RALA: variants seen among roughly 807,000 people sequenced by gnomAD.
RALA encodes RAS like proto-oncogene A.
RALA carries 5 observed loss-of-function variants against 24.0 expected under a neutral mutation model. The ratio of observed to expected loss-of-function variants is 0.21; its 90% CI spans 0.11 to 0.44. The LOEUF (loss-of-function observed/expected upper bound fraction) is 0.44. Ranked by LOEUF, RALA falls within the 20% of genes least tolerant of loss-of-function variation. The pLI is 0.99. For missense variants in RALA, 95 were observed against 241.2 expected (o/e 0.39, Z 4.01); for synonymous variants, 77 against 83.8 (o/e 0.92, Z 0.44).
At chr7:39,688,345 G>T (rs1792746387) in intron 2 of RALA, among the ~76,000 whole-genome samples, 2 of 151,616 alleles carry the variant, frequency 1.3e-5, no homozygotes, top group Non-Finnish European at 2.9e-5. Flanking sequence ...AGTGAGCAAT[G>T]ACTGTGCCAC....
At chr7:39,654,575 A>AT (rs540867099) in intron 1 of RALA, among the ~76,000 whole-genome samples, 304 of 152,252 alleles carry the variant, frequency 2.0e-3, no homozygotes, top group African/African-American at 7.1e-3. Context: ...AATTTCATAG[A>AT]TTTTGCATTT....
chr7:39,631,465 C>T (rs376914702), intron 1 of RALA, among the ~76,000 whole-genome samples: 20 of 151,560 alleles, frequency 1.3e-4, no homozygotes, highest in African/African-American at 4.8e-4. Context: ...CTCAAGTGAT[C>T]CTCCTGCCTC....
Position 39,630,323 on chromosome 7 carries a change from A to G in RALA, c.-38+6498A>G, listed in dbSNP as rs529738899. On this transcript the variant is annotated intron_variant, in intron 1 of 4. Transcript: ENST00000005257. ...CACTTCAGCTTCCCACAGTGCTGGA[A>G]TTACAGGCATGAGCTATCGTGCCCG... is the stretch of plus-strand genomic sequence containing the variant. Among the ~76,000 whole-genome samples, 9 of 149,760 alleles carry G rather than the reference A, an allele frequency of 6.0e-5. No homozygotes were observed. In the South Asian group the frequency reaches 1.0e-3, roughly 17 times the overall value.
In RALA at chr7:39,665,848, AT is replaced by A. The variant is rs77663025; in HGVS notation, c.-37-20771del. 2.2e-3 allele frequency among the ~76,000 whole-genome samples: 327 copies of A among 146,634 alleles called. 2 individuals carry two copies. Among genetic ancestry groups the A allele is most frequent in the African/African-American group, 4.6e-3 (187 of 40,298 alleles). On this transcript the variant is annotated intron_variant, in intron 1 of 4. Coordinates refer to ENST00000005257, the MANE Select transcript of RALA (RefSeq NM_005402.4). ...TAGTTGGCAAACACTTAGGATGTGA[AT>A]TTTTTTTTTTTAATCCTGGCTTCAC... is the stretch of plus-strand genomic sequence containing the variant.
At chr7:39,638,381 C>T (rs1037116398) in intron 1 of RALA, among the ~76,000 whole-genome samples, 20 of 152,158 alleles carry the variant, frequency 1.3e-4, no homozygotes, top group Middle Eastern at 3.2e-3. Flanking sequence ...GTTTTTGTGT[C>T]TGGCTTCTTT....
intron 1 of RALA, among the ~76,000 whole-genome samples, chr7:39,668,173 T>G (rs1307322464): frequency 6.6e-6 from 1 of 152,226 alleles, no homozygotes; most frequent in Admixed American, 6.5e-5. Flanking sequence ...TTTCACAGTA[T>G]ACAAGTAGCA....
intron 1 of RALA, among the ~76,000 whole-genome samples, chr7:39,665,084 A>G (rs938122974): frequency 5.9e-5 from 9 of 152,176 alleles, no homozygotes; most frequent in Admixed American, 3.9e-4. Flanking sequence ...TGAAAAAGCA[A>G]AAAAGTCTAA....
intron 1 of RALA, among the ~76,000 whole-genome samples, chr7:39,643,684 C>T (rs543175002): frequency 3.9e-5 from 6 of 152,152 alleles, no homozygotes; most frequent in East Asian, 3.9e-4. Context: ...ATCAAAACCC[C>T]GTCTCTACTA....
chr7:39,651,431 C>A (rs897976137), intron 1 of RALA, among the ~76,000 whole-genome samples: 1 of 152,188 alleles, frequency 6.6e-6, no homozygotes, highest in African/African-American at 2.4e-5. Context: ...CTTGGAGGCT[C>A]CTCACCACAC....
At chr7:39,694,899 A>G (rs1792891558) in intron 3 of RALA, among the ~76,000 whole-genome samples, 1 of 151,772 alleles carries the variant, frequency 6.6e-6, no homozygotes, top group Non-Finnish European at 1.5e-5. Flanking sequence ...AAAAAAAGAA[A>G]AAAAAATTAG....
In RALA at chr7:39,675,637, G is replaced by T. The variant is rs897179359; in HGVS notation, c.-37-10994G>T. Among the ~76,000 whole-genome samples, 16 of 151,188 alleles carry T rather than the reference G, an allele frequency of 1.1e-4. 1 individual carries two copies. The highest frequency in any genetic ancestry group is 9.9e-4 in the Admixed American group (15 of 15,144). ...GTTACTCAGGTGGCTGAGGTGGGAG[G>T]ATCACTTAAGCCCAGCAGGTCAAGT... On this transcript the variant is annotated intron_variant, in intron 1 of 4. Coordinates refer to ENST00000005257, the MANE Select transcript of RALA (RefSeq NM_005402.4).
chr7:39,646,304 G>A (rs927213908), intron 1 of RALA, among the ~76,000 whole-genome samples: 1 of 151,584 alleles, frequency 6.6e-6, no homozygotes, highest in Non-Finnish European at 1.5e-5. Context: ...ACAACCCCCC[G>A]CCAAAAATAA....
At chr7:39,657,397 A>G (rs1053307768) in intron 1 of RALA, among the ~76,000 whole-genome samples, 2 of 152,282 alleles carry the variant, frequency 1.3e-5, no homozygotes, top group African/African-American at 4.8e-5. Flanking sequence ...TGATTCTTCA[A>G]TTTCATTATG....
intron 1 of RALA, among the ~76,000 whole-genome samples, chr7:39,657,496 A>G (rs553869058): frequency 2.2e-4 from 34 of 152,346 alleles, no homozygotes; most frequent in African/African-American, 6.3e-4. Flanking sequence ...ATAGACTAGT[A>G]TACTGAAGGA....
chr7:39,643,375 A>G (rs1252789413), intron 1 of RALA, among the ~76,000 whole-genome samples: 2 of 152,216 alleles, frequency 1.3e-5, no homozygotes, highest in African/African-American at 2.4e-5. Context: ...TGCTGCAGGC[A>G]GGCACATAGG....
intron 1 of RALA, among the ~76,000 whole-genome samples, chr7:39,666,679 C>T: frequency 6.6e-6 from 1 of 152,162 alleles, no homozygotes; most frequent in African/African-American, 2.4e-5. Context: ...TTTATATTTT[C>T]TTTCTTTCTT....
intron 1 of RALA, among the ~76,000 whole-genome samples, chr7:39,653,323 C>T (rs1461426335): frequency 6.6e-6 from 1 of 151,946 alleles, no homozygotes; most frequent in Non-Finnish European, 1.5e-5. Context: ...CCACCACGCC[C>T]GGCCTATTAT....
At chr7:39,624,258 C>G (rs1791436038) in intron 1 of RALA, 1 of 151,648 alleles carries the variant, frequency 6.6e-6, no homozygotes, top group East Asian at 1.9e-4. Flanking sequence ...AGAGCCGCTG[C>G]TTTTTAAGCA....
chr7:39,658,283 C>T (rs535306670), intron 1 of RALA, among the ~76,000 whole-genome samples: 5 of 152,266 alleles, frequency 3.3e-5, no homozygotes, highest in African/African-American at 7.2e-5. Flanking sequence ...CTCCAACCCT[C>T]TCACCTCCCC....
Sources: gnomAD v4.1 joint callset for allele counts (sites outside exome capture counted in the v4.1 genomes callset) on GRCh38, gnomAD v4.1.1 for gene constraint, MANE v1.5 for transcripts, NCBI Gene and HGNC (gene_info 2026-07-23, HGNC 2026-07-21) for gene names.